DIS3L2: variants seen among roughly 807,000 people sequenced by gnomAD.
The protein encoded by DIS3L2 is DIS3-like exonuclease 2.
In DIS3L2, 34 loss-of-function variants were observed where a neutral mutation model predicts 97.5. The ratio of observed to expected loss-of-function variants is 0.35; its 90% CI spans 0.27 to 0.46. The LOEUF (loss-of-function observed/expected upper bound fraction) is 0.46, where lower values mean the gene tolerates loss of function less well. DIS3L2 is among the 20% of genes least tolerant of loss of function. The pLI, the probability that DIS3L2 is intolerant of heterozygous loss-of-function variation, is 1.00. For synonymous variants in DIS3L2, 435 were observed against 445.2 expected, an observed-to-expected ratio of 0.98 and a Z score of 0.29; for missense variants, 1,038 against 1,146.0, an observed-to-expected ratio of 0.91 and a Z score of 1.36.
chr2:232,110,553 T>C (rs760715354), intron 6 of DIS3L2, among the ~76,000 whole-genome samples: 9 of 152,200 alleles, frequency 5.9e-5, no homozygotes, highest in Non-Finnish European at 1.0e-4. Flanking sequence ...TGCAGAGATG[T>C]GGATGGAGCT....
chr2:231,968,800 C>T (rs765754050), intron 1 of DIS3L2, among the ~76,000 whole-genome samples: 25 of 152,124 alleles, frequency 1.6e-4, no homozygotes, highest in Admixed American at 3.9e-4. Flanking sequence ...TTTAGTTATC[C>T]GTAAGTATTT....
intron 13 of DIS3L2, 99 bp from the exon 14 acceptor site, chr2:232,299,941 G>T: frequency 8.3e-7 from 1 of 1,200,610 alleles, no homozygotes; most frequent in Non-Finnish European, 1.2e-6. Flanking sequence ...TTGACTTGAG[G>T]GAGTGTGACT....
chr2:232,272,549 G>T (rs1559186213), intron 13 of DIS3L2, among the ~76,000 whole-genome samples: 2 of 152,176 alleles, frequency 1.3e-5, no homozygotes, highest in Non-Finnish European at 2.9e-5. Flanking sequence ...GCTGTGAGAG[G>T]TAAGGGATTT....
intron 1 of DIS3L2, among the ~76,000 whole-genome samples, chr2:231,987,574 C>T (rs1025763369): frequency 1.3e-5 from 2 of 152,182 alleles, no homozygotes; most frequent in African/African-American, 2.4e-5. Flanking sequence ...AACTTTGCCA[C>T]GGAACTGAGG....
rs1694818817 is a variant in DIS3L2, at chr2:232,300,111, G to C, written c.1731G>C (p.Glu577Asp). Residue 577 changes from glutamate (E) to aspartate (D), a missense_variant, in exon 14 of 21, where the codon GAG (glutamate) becomes GAC (aspartate). By Grantham distance (45) the Glu-to-Asp change is conservative (BLOSUM62 2). Transcript: ENST00000325385. ...GATGTCATATCTATGAGTACCGCGAGAGCAACAAGTAAGCCACTCAGTGGG... is the reference window on the plus strand; with the variant it reads ...GATGTCATATCTATGAGTACCGCGACAGCAACAAGTAAGCCACTCAGTGGG... The part of the protein sequence containing the change: ...PQGCHIYEYR[E>D]SNKLVEEFML... 1.7e-5 allele frequency: 28 copies of C among 1,613,650 alleles called. No individual in the cohort carries two copies. The highest frequency in any genetic ancestry group is 2.4e-5 in the Non-Finnish European group (28 of 1,179,612).
intron 9 of DIS3L2, among the ~76,000 whole-genome samples, chr2:232,191,789 T>A (rs1328658326): frequency 6.6e-6 from 1 of 152,238 alleles, no homozygotes; most frequent in African/African-American, 2.4e-5. Flanking sequence ...GTAATTAGAA[T>A]TCCTAGGATA....
At chr2:231,993,371 G>A (rs1031065347) in intron 1 of DIS3L2, among the ~76,000 whole-genome samples, 1 of 152,014 alleles carries the variant, frequency 6.6e-6, no homozygotes, top group Non-Finnish European at 1.5e-5. Flanking sequence ...GAGCCACCAC[G>A]CCTGGCTGAT....
At chr2:232,330,136 C>T (rs1250792237) in intron 15 of DIS3L2, 140 bp downstream of exon 15, 2 of 1,096,786 alleles carry the variant, frequency 1.8e-6, no homozygotes, top group Middle Eastern at 3.0e-4. Context: ...GGGAAGGAGG[C>T]CCTGGGAGAA....
intron 9 of DIS3L2, among the ~76,000 whole-genome samples, chr2:232,205,428 G>C (rs1200078729): frequency 6.6e-6 from 1 of 151,784 alleles, no homozygotes; most frequent in Non-Finnish European, 1.5e-5. Context: ...GTAGTCTCCT[G>C]AGTAGCTGGG....
Position 232,334,467 on chromosome 2 carries a change from A to C in DIS3L2, c.2257A>C (p.Ser753Arg). 6.2e-7 allele frequency: 1 copy of C among 1,613,934 alleles called. No homozygotes were observed. The highest frequency in any genetic ancestry group is 8.5e-7 in the Non-Finnish European group (1 of 1,180,004). ...RMASKRVQEL[S>R]TSLFFAVLVK... Reference sequence around the variant, plus strand: ...GGCGTCCAAGCGCGTGCAGGAGCTCAGTACCAGTCTCTTCTTTGCTGTTCT... The same window carrying C: ...GGCGTCCAAGCGCGTGCAGGAGCTCCGTACCAGTCTCTTCTTTGCTGTTCT... The change falls in exon 18 of 21, where the codon AGT becomes CGT. Residue 753 changes from serine (S) to arginine (R), a missense_variant. Ser to Arg is a moderately radical substitution (Grantham distance 110). This residue lies in a region of DIS3L2 where 221 missense variants were observed against 246.9 expected (regional missense o/e 0.90). Transcript: ENST00000325385.
intron 14 of DIS3L2, among the ~76,000 whole-genome samples, chr2:232,319,465 C>G (rs1383748803): frequency 6.6e-6 from 1 of 152,270 alleles, no homozygotes; most frequent in Admixed American, 6.5e-5. Flanking sequence ...CAGTTACTCT[C>G]CATCTTGGTG....
chr2:232,182,849 A>G (rs1195311395), intron 9 of DIS3L2, among the ~76,000 whole-genome samples: 2 of 152,316 alleles, frequency 1.3e-5, no homozygotes, highest in African/African-American at 4.8e-5. Flanking sequence ...AGCTCTGGAA[A>G]TCATCTTGCC....
intron 10 of DIS3L2, among the ~76,000 whole-genome samples, chr2:232,231,954 C>A (rs1374695658): frequency 6.6e-6 from 1 of 152,028 alleles, no homozygotes; most frequent in Admixed American, 6.5e-5. Flanking sequence ...GCAGGCCTGC[C>A]GGAGGAAGTG....
At chr2:232,066,689 G>A (rs1324042256) in intron 5 of DIS3L2, among the ~76,000 whole-genome samples, 2 of 152,004 alleles carry the variant, frequency 1.3e-5, no homozygotes, top group East Asian at 3.8e-4. Flanking sequence ...GAAGGCATAT[G>A]GGCTTAGAGT....
chr2:232,256,485 A>G (rs982260701), intron 12 of DIS3L2, among the ~76,000 whole-genome samples: 1 of 152,190 alleles, frequency 6.6e-6, no homozygotes, highest in South Asian at 2.1e-4. Flanking sequence ...TTGTAGAACT[A>G]TGTTGTGTAC....
intron 1 of DIS3L2, among the ~76,000 whole-genome samples, chr2:232,000,663 T>TTTCCTTTCCTTTCCTTTC (rs1559529200): frequency 8.6e-5 from 2 of 23,168 alleles, no homozygotes; most frequent in Admixed American, 4.8e-4. Context: ...CTTTCCTTTC[T>TTTCCTTTCCTTTCCTTTC]CTTTCTCTCT....
In DIS3L2 at chr2:232,030,050, C is replaced by G. The variant is rs755653632; in HGVS notation, c.336C>G (p.Val112=). 6.2e-7 allele frequency: 1 copy of G among 1,610,468 alleles called. No individual in the cohort carries two copies. Among genetic ancestry groups the G allele is most frequent in the South Asian group, 1.1e-5 (1 of 90,288 alleles). Residue 112 remains valine, a synonymous_variant, in exon 5 of 21, where the codon GTC becomes GTG. Coordinates refer to ENST00000325385, the MANE Select transcript of DIS3L2 (RefSeq NM_152383.5). ...GAGCCTTAAATGGGGATCTGGTGGT[C>G]GTGAAACTGCTTCCCGAGGAGCATT... ...RNRALNGDLV[V]VKLLPEEHWK...
intron 5 of DIS3L2, among the ~76,000 whole-genome samples, chr2:232,077,036 C>T (rs545729975): frequency 5.6e-4 from 85 of 152,280 alleles, no homozygotes; most frequent in Non-Finnish European, 1.6e-4. Context: ...TCTTCTTCTC[C>T]TGTGTCTCTG....
Position 232,281,356 on chromosome 2 carries a change from G to A in DIS3L2, c.1659+17916G>A, listed in dbSNP as rs550240915. Among the ~76,000 whole-genome samples the A allele has an allele frequency of 2.1e-4, 32 of 152,004 alleles. No individual in the cohort carries two copies. The highest frequency in any genetic ancestry group is 7.2e-4 in the African/African-American group (30 of 41,530). On this transcript the variant is annotated intron_variant, in intron 13 of 20. Transcript: ENST00000325385. The surrounding 1 kb of genome is among the most constrained non-coding windows in gnomAD (Gnocchi z 4.1). ...GGAGCTTGCAGTGAGCCGAGATGGCGCCACTGCACTTCAGCCTGGGTGACA... is the reference window on the plus strand; with the variant it reads ...GGAGCTTGCAGTGAGCCGAGATGGCACCACTGCACTTCAGCCTGGGTGACA...
Sources: allele counts gnomAD v4.1 joint callset (sites outside exome capture counted in the v4.1 genomes callset), GRCh38; gene constraint gnomAD v4.1.1; regional missense constraint gnomAD v4.1.1; non-coding constraint Gnocchi (gnomAD v3.1); transcripts MANE v1.5; gene names NCBI Gene and HGNC (gene_info 2026-07-23, HGNC 2026-07-21).